Variants in FUS observed in about 807,000 individuals in gnomAD.
The protein encoded by FUS is FUS RNA binding protein.
In FUS, 5 loss-of-function variants were observed where a neutral mutation model predicts 82.7. That is an observed-to-expected ratio of 0.06 (90% CI 0.03 to 0.13). FUS has a LOEUF of 0.13. Among genes scored for constraint, FUS ranks in the 10% least tolerant of loss-of-function variants. FUS has a pLI of 1.00. For synonymous variants in FUS, 281 were observed against 247.4 expected, an observed-to-expected ratio of 1.14 and a Z score of -1.27; for missense variants, 512 against 707.8, an observed-to-expected ratio of 0.72 and a Z score of 3.14.
chr16:31,194,653 G>A, downstream of FUS: 2 of 488,582 alleles, frequency 4.1e-6, no homozygotes, highest in Non-Finnish European at 8.1e-6. Context: ...GGGGTACAAT[G>A]TCCTATTTCT....
chr16:31,193,706 C>T (rs1366771364), downstream of FUS: 1 of 532,736 alleles, frequency 1.9e-6, no homozygotes, highest in East Asian at 3.9e-5. Context: ...AGACACCTAG[C>T]AGCAGAGAGA....
Position 31,182,674 on chromosome 16 carries a change from T to C in FUS, c.190+10T>C, listed in dbSNP as rs781689026. On this transcript the variant is annotated intron_variant, in intron 3 of 14. Coordinates refer to ENST00000254108, the MANE Select transcript of FUS (RefSeq NM_004960.4). ...GGCCAGAGCCAGAACAGTGAGTCTTTCTCAGCGGGTCACCTCTTCCTACTC... is the reference window on the plus strand; with the variant it reads ...GGCCAGAGCCAGAACAGTGAGTCTTCCTCAGCGGGTCACCTCTTCCTACTC... The C allele has an allele frequency of 1.4e-5, 23 of 1,614,198 alleles. No individual in the cohort carries two copies. Among genetic ancestry groups the C allele is most frequent in the Non-Finnish European group, 1.9e-5 (23 of 1,180,026 alleles).
downstream of FUS, chr16:31,192,432 CATT>C (rs2079374518): frequency 1.9e-6 from 1 of 523,024 alleles, no homozygotes; most frequent in East Asian, 4.1e-5. Context: ...CAGAGCGTAA[CATT>C]AACCCAAGAG....
chr16:31,184,145 A>G (rs1339286357), intron 4 of FUS, 64 bp from the exon 5 acceptor site: 2 of 1,614,012 alleles, frequency 1.2e-6, no homozygotes, highest in Non-Finnish European at 1.7e-6. Flanking sequence ...GACTCCACTA[A>G]AAGTGAAAGG....
At chr16:31,193,430 A>C (rs146490489), downstream of FUS, 1,722 of 527,936 alleles carry the variant, frequency 3.3e-3, 8 homozygotes, top group Admixed American at 5.8e-3. Context: ...AAATGGCCTG[A>C]TACGATATTT....
downstream of FUS, chr16:31,192,995 C>G (rs1326024845): frequency 4.1e-6 from 2 of 483,082 alleles, no homozygotes; most frequent in East Asian, 4.9e-5. Flanking sequence ...GAGTTTTGCT[C>G]TTGTTGCCCA....
At chr16:31,194,512 G>A (rs1199997290), downstream of FUS, 1 of 499,682 alleles carries the variant, frequency 2.0e-6, no homozygotes, top group Admixed American at 2.3e-5. Flanking sequence ...TGCTCAGGCT[G>A]GTCTGGTCTC....
At chr16:31,187,030 C>G in intron 7 of FUS, 194 bp downstream of exon 7, 2 of 641,838 alleles carry the variant, frequency 3.1e-6, no homozygotes, top group Non-Finnish European at 5.6e-6. Context: ...GGGTAAGACT[C>G]AATAGTCATC....
chr16:31,193,021 G>A, downstream of FUS: 1 of 485,106 alleles, frequency 2.1e-6, no homozygotes, highest in South Asian at 1.5e-5. Flanking sequence ...GAGTGCAATG[G>A]CACGTTTTTC....
In FUS at chr16:31,184,923, C is replaced by G; in HGVS notation, c.524-16C>G. On this transcript the variant is annotated splice_polypyrimidine_tract_variant and intron_variant, in intron 5 of 14. Coordinates refer to ENST00000254108, the MANE Select transcript of FUS (RefSeq NM_004960.4). ...TTTTTGTTTTTTTTTTTTAATCATT[C>G]TTTCTTTTCTCACAGGTAACTATGG... The G allele has an allele frequency of 6.3e-7, 1 of 1,586,486 alleles. No individual in the cohort carries two copies. Among genetic ancestry groups the G allele is most frequent in the East Asian group, 2.2e-5 (1 of 44,682 alleles).
chr16:31,188,483 T>A, intron 8 of FUS, 126 bp downstream of exon 8: 1 of 997,696 alleles, frequency 1.0e-6, no homozygotes, highest in Middle Eastern at 2.2e-4. Context: ...GGGAGTTAGG[T>A]GTGTCCTTAG....
downstream of FUS, chr16:31,191,707 G>C (rs1465620463): frequency 1.5e-6 from 1 of 676,208 alleles, no homozygotes; most frequent in East Asian, 2.8e-5. Flanking sequence ...GCAGGAACTG[G>C]AATACAGTGT....
Position 31,182,569 on chromosome 16 carries a change from C to T in FUS, c.95C>T (p.Pro32Leu), listed in dbSNP as rs1316860525. The stretch of plus-strand genomic sequence containing the variant: ...GGCTATTCCCAGCAGAGCAGTCAGC[C>T]CTACGGACAGCAGAGTTACAGTGGT... ...GQGYSQQSSQ[P>L]YGQQSYSGYS... Residue 32 changes from proline (P) to leucine (L), a missense_variant, in exon 3 of 15, where the codon CCC becomes CTC. Physicochemically the swap from Pro to Leu is moderately conservative, Grantham distance 98. This residue lies in a region of FUS where 276 missense variants were observed against 303.3 expected (regional missense o/e 0.91). Coordinates refer to ENST00000254108, the MANE Select transcript of FUS (RefSeq NM_004960.4). The T allele has an allele frequency of 7.4e-6, 12 of 1,614,062 alleles. No homozygotes were observed. Among genetic ancestry groups the T allele is most frequent in the Non-Finnish European group, 1.0e-5 (12 of 1,180,040 alleles).
chr16:31,190,024 T>G lies in FUS; in HGVS notation c.1067-16T>G. 6.2e-7 allele frequency: 1 copy of G among 1,603,370 alleles called. No homozygotes were observed. The highest frequency in any genetic ancestry group is 8.5e-7 in the Non-Finnish European group (1 of 1,173,912). ...TCTTGCATTTAAAGTCTGTTGATGA[T>G]TTTTTGTTTCTCTAGGTAAAGAATT... On this transcript the variant is annotated splice_polypyrimidine_tract_variant and intron_variant, in intron 10 of 14. Transcript: ENST00000254108.
chr16:31,188,882 C>G, intron 8 of FUS: 1 of 551,376 alleles, frequency 1.8e-6, no homozygotes, highest in Non-Finnish European at 3.2e-6. Flanking sequence ...CACTCCTGAG[C>G]CCTGGTTTCC....
At chr16:31,183,076 C>T (rs2079205329) in intron 3 of FUS, 2 of 299,166 alleles carry the variant, frequency 6.7e-6, no homozygotes, top group African/African-American at 2.2e-5. Flanking sequence ...TTCCGTGAAA[C>T]AGTGTATAAG....
chr16:31,188,147 C>T (rs988885619), intron 7 of FUS, 178 bp from the exon 8 acceptor site: 1 of 650,324 alleles, frequency 1.5e-6, no homozygotes, highest in South Asian at 1.9e-5. Context: ...AGAATTTTCT[C>T]CTCTGGGCAG....
chr16:31,187,977 C>A, intron 7 of FUS: 1 of 365,248 alleles, frequency 2.7e-6, no homozygotes, highest in East Asian at 4.6e-5. Flanking sequence ...GTGAGAGAAC[C>A]GGGCCAAGCT....
intron 1 of FUS, among the ~76,000 whole-genome samples, chr16:31,180,905 C>T (rs1484998399): frequency 1.3e-5 from 2 of 148,660 alleles, no homozygotes; most frequent in Non-Finnish European, 3.0e-5. Context: ...GTTTTTCCCG[C>T]CTAAATTTCT....
Sources: allele counts gnomAD v4.1 joint callset (sites outside exome capture counted in the v4.1 genomes callset), GRCh38; gene constraint gnomAD v4.1.1; regional missense constraint gnomAD v4.1.1; transcripts MANE v1.5; gene names NCBI Gene and HGNC (gene_info 2026-07-23, HGNC 2026-07-21).